The following CNBD1 variants were observed in gnomAD, a reference collection of about 807,000 sequenced individuals.
CNBD1 encodes cyclic nucleotide-binding domain-containing protein 1.
CNBD1 carries 71 observed loss-of-function variants against 54.4 expected under a neutral mutation model. The observed-to-expected ratio is 1.30, with a 90% CI of 1.08 to 1.59. The LOEUF is 1.59. Ranked by LOEUF, CNBD1 falls within the 40% of genes most tolerant of loss-of-function variation. The pLI is 0.00. For missense variants in CNBD1, 659 were observed against 518.0 expected, an observed-to-expected ratio of 1.27 and a Z score of -2.64; for synonymous variants, 182 against 170.7, an observed-to-expected ratio of 1.07 and a Z score of -0.51.
chr8:87,202,455 AAAC>A (rs1375159147), intron 4 of CNBD1, among the ~76,000 whole-genome samples: 2 of 152,214 alleles, frequency 1.3e-5, no homozygotes, highest in South Asian at 2.1e-4. Context: ...ATAGCTGATA[AAAC>A]AACAAGCCCA....
intron 4 of CNBD1, among the ~76,000 whole-genome samples, chr8:87,057,883 A>G (rs1044596324): frequency 1.3e-5 from 2 of 152,056 alleles, no homozygotes; most frequent in African/African-American, 4.8e-5. Context: ...ACACACACAC[A>G]ATCGTGCCTT....
intron 4 of CNBD1, among the ~76,000 whole-genome samples, chr8:87,012,133 G>T (rs1225156595): frequency 6.6e-6 from 1 of 152,176 alleles, no homozygotes; most frequent in Non-Finnish European, 1.5e-5. Flanking sequence ...AGTGAACACT[G>T]AAAAATGGCT....
At chr8:87,084,091 A>G (rs548383307) in intron 4 of CNBD1, among the ~76,000 whole-genome samples, 1 of 152,302 alleles carries the variant, frequency 6.6e-6, no homozygotes, top group East Asian at 1.9e-4. Flanking sequence ...TTGACATGTT[A>G]AAGGATTACA....
At chr8:87,193,655 T>C (rs1245626178) in intron 4 of CNBD1, among the ~76,000 whole-genome samples, 1 of 152,202 alleles carries the variant, frequency 6.6e-6, no homozygotes, top group Non-Finnish European at 1.5e-5. Context: ...GTCTTTCTTG[T>C]AATCAAGATA....
At chr8:87,178,134 C>T (rs1332285402) in intron 4 of CNBD1, among the ~76,000 whole-genome samples, 1 of 152,206 alleles carries the variant, frequency 6.6e-6, no homozygotes, top group Non-Finnish European at 1.5e-5. Context: ...GCCAGACACT[C>T]TTCATAGTAC....
At chr8:87,179,281 T>C (rs988255374) in intron 4 of CNBD1, among the ~76,000 whole-genome samples, 15 of 152,178 alleles carry the variant, frequency 9.9e-5, no homozygotes, top group African/African-American at 3.1e-4. Context: ...TAATTGGAGA[T>C]AAAAGATATT....
intron 6 of CNBD1, among the ~76,000 whole-genome samples, chr8:87,276,004 C>T (rs1326730712): frequency 6.6e-6 from 1 of 151,884 alleles, no homozygotes; most frequent in South Asian, 2.1e-4. Context: ...TAGGAATCCA[C>T]CTTACAAGGG....
intron 4 of CNBD1, among the ~76,000 whole-genome samples, chr8:87,010,726 C>T (rs1809201474): frequency 6.6e-6 from 1 of 152,160 alleles, no homozygotes. Context: ...GCCTGGGCAA[C>T]AGAGCGAAAC....
In CNBD1 at chr8:87,065,847, A is replaced by T. The variant is rs192280189; in HGVS notation, c.431+126093A>T. ...TATAAATAGGAGAGTTGGCGCTCAAACCCAGTTCACTGTAGCTCTAAAGTC... is the reference window on the plus strand; with the variant it reads ...TATAAATAGGAGAGTTGGCGCTCAATCCCAGTTCACTGTAGCTCTAAAGTC... On this transcript the variant is annotated intron_variant, in intron 4 of 10. Transcript: ENST00000518476. 3.9e-5 allele frequency among the ~76,000 whole-genome samples: 6 copies of T among 152,046 alleles called. No individual in the cohort carries two copies. In the East Asian group the frequency reaches 1.2e-3, roughly 29 times the overall value.
At chr8:87,120,330 TTCC>T (rs1811864628) in intron 4 of CNBD1, among the ~76,000 whole-genome samples, 1 of 152,046 alleles carries the variant, frequency 6.6e-6, no homozygotes, top group Non-Finnish European at 1.5e-5. Context: ...ATCTATCCAT[TTCC>T]TCAAGGTTTT....
intron 2 of CNBD1, among the ~76,000 whole-genome samples, chr8:87,389,571 A>G (rs1330363358): frequency 2.0e-5 from 3 of 152,184 alleles, no homozygotes; most frequent in Non-Finnish European, 4.4e-5. Context: ...TTCAAGGAGA[A>G]CTACAAACCA....
chr8:87,275,803 T>C (rs373975318), intron 6 of CNBD1, among the ~76,000 whole-genome samples: 1 of 151,628 alleles, frequency 6.6e-6, no homozygotes, highest in African/African-American at 2.4e-5. Context: ...GCAGATGACA[T>C]GATTGTATAT....
At chr8:86,880,665 G>T (rs921391701) in intron 1 of CNBD1, among the ~76,000 whole-genome samples, 2 of 152,058 alleles carry the variant, frequency 1.3e-5, no homozygotes, top group Non-Finnish European at 2.9e-5. Flanking sequence ...TAACACTTTG[G>T]TCCTGAAGAG....
intron 4 of CNBD1, among the ~76,000 whole-genome samples, chr8:86,997,436 G>A (rs908583955): frequency 1.3e-5 from 2 of 152,150 alleles, no homozygotes; most frequent in African/African-American, 4.8e-5. Flanking sequence ...AAATTTGTCA[G>A]TATTCACAAT....
At chr8:86,916,229 G>C (rs1809182565) in intron 3 of CNBD1, among the ~76,000 whole-genome samples, 1 of 152,138 alleles carries the variant, frequency 6.6e-6, no homozygotes, top group South Asian at 2.1e-4. Context: ...TTTTAGAGCA[G>C]GAGTGAAAGT....
chr8:87,150,041 G>A (rs1812570368), intron 4 of CNBD1, among the ~76,000 whole-genome samples: 1 of 152,084 alleles, frequency 6.6e-6, no homozygotes, highest in Admixed American at 6.6e-5. Context: ...GCCTGGCGTG[G>A]TGGCGGGCAC....
intron 4 of CNBD1, among the ~76,000 whole-genome samples, chr8:86,974,557 C>T (rs1218080530): frequency 6.6e-6 from 1 of 151,934 alleles, no homozygotes; most frequent in Non-Finnish European, 1.5e-5. Context: ...CAATAGAATG[C>T]TATATTATGG....
chr8:87,410,724 G>C (rs1807726723), intron 2 of CNBD1, among the ~76,000 whole-genome samples: 1 of 152,124 alleles, frequency 6.6e-6, no homozygotes, highest in Admixed American at 6.6e-5. Context: ...CAGCATTGCT[G>C]CTACAGAGGA....
intron 4 of CNBD1, among the ~76,000 whole-genome samples, chr8:87,108,616 G>A (rs1044105598): frequency 6.6e-6 from 1 of 152,230 alleles, no homozygotes; most frequent in Non-Finnish European, 1.5e-5. Flanking sequence ...AAGAAGGTGT[G>A]TTGGAGGAAG....
Sources: allele counts gnomAD v4.1 joint callset (sites outside exome capture counted in the v4.1 genomes callset), GRCh38; gene constraint gnomAD v4.1.1; transcripts MANE v1.5; gene names NCBI Gene and HGNC (gene_info 2026-07-23, HGNC 2026-07-21).